HDAC9: variants seen among roughly 807,000 people sequenced by gnomAD.
The protein encoded by HDAC9 is MEF-2 interacting transcription repressor (MITR) protein.
In HDAC9, 41 loss-of-function variants were observed where a neutral mutation model predicts 139.4. The ratio of observed to expected loss-of-function variants is 0.29; its 90% CI spans 0.23 to 0.38. The LOEUF (loss-of-function observed/expected upper bound fraction) is 0.38, where lower values mean the gene tolerates loss of function less well. Among genes scored for constraint, HDAC9 ranks in the 10% least tolerant of loss-of-function variants. The pLI is 1.00. For missense variants in HDAC9, 1,147 were observed against 1,297.0 expected (o/e 0.88, Z 1.78); for synonymous variants, 517 against 476.2 (o/e 1.09, Z -1.12).
chr7:18,847,735 C>T (rs982888722), intron 21 of HDAC9, among the ~76,000 whole-genome samples: 2 of 152,208 alleles, frequency 1.3e-5, no homozygotes, highest in African/African-American at 4.8e-5. Context: ...TTCCATCCTC[C>T]CCATTCTGGC....
chr7:18,727,634 G>C lies in HDAC9; in HGVS notation c.1786G>C (p.Ala596Pro). 1 of 1,587,038 alleles carries C rather than the reference G, an allele frequency of 6.3e-7. No homozygotes were observed. The highest frequency in any genetic ancestry group is 1.4e-5 in the African/African-American group (1 of 73,136). The change falls in exon 13 of 26, where the codon GCT becomes CCT. Residue 596 changes from alanine (A) to proline (P), a missense_variant. By Grantham distance (27) the Ala-to-Pro change is conservative. Around this residue, in one of 7 missense-constraint regions of HDAC9, gnomAD observed 256 missense variants for 219.2 expected, o/e 1.17. Coordinates refer to ENST00000686413, the MANE Select transcript of HDAC9 (RefSeq NM_178425.4). ...GCTCTCTGTGCGCCAAGCTCCGCTG[G>C]CTGCGGTTGGCATGGATGGATTAGA... ...RALSVRQAPL[A>P]AVGMDGLEKH... is the part of the protein sequence containing the mutation.
chr7:18,719,954 G>A (rs1584910613), intron 12 of HDAC9, among the ~76,000 whole-genome samples: 1 of 152,280 alleles, frequency 6.6e-6, no homozygotes, highest in East Asian at 1.9e-4. Flanking sequence ...TTCATCGTAA[G>A]TGTAAGAGTT....
At chr7:18,090,653 C>T (rs1029221054) in intron 1 of HDAC9, among the ~76,000 whole-genome samples, 10 of 152,066 alleles carry the variant, frequency 6.6e-5, no homozygotes, top group African/African-American at 2.4e-4. Context: ...AGAGTATTGA[C>T]GGGGGACAGT....
intron 1 of HDAC9, among the ~76,000 whole-genome samples, chr7:18,353,463 G>T (rs1401029091): frequency 6.6e-6 from 1 of 152,100 alleles, no homozygotes; most frequent in Non-Finnish European, 1.5e-5. Context: ...AAGAATTAAA[G>T]AATGTTAAGT....
chr7:18,675,164 T>C (rs539604721), intron 12 of HDAC9, among the ~76,000 whole-genome samples: 1 of 152,156 alleles, frequency 6.6e-6, no homozygotes, highest in African/African-American at 2.4e-5. Flanking sequence ...ACTTACTAAA[T>C]GTGGAAATTG....
chr7:18,735,201 A>T (rs1786770643), intron 13 of HDAC9, among the ~76,000 whole-genome samples: 1 of 152,150 alleles, frequency 6.6e-6, no homozygotes, highest in South Asian at 2.1e-4. Flanking sequence ...GTTCACTCTG[A>T]TGGTAGTTCC....
intron 1 of HDAC9, among the ~76,000 whole-genome samples, chr7:18,122,022 A>G (rs1399654852): frequency 6.6e-6 from 1 of 152,208 alleles, no homozygotes; most frequent in African/African-American, 2.4e-5. Context: ...TATTTCTTCA[A>G]CATGCCAGTT....
At chr7:18,283,687 A>C (rs1797251634) in intron 2 of HDAC9, among the ~76,000 whole-genome samples, 1 of 152,192 alleles carries the variant, frequency 6.6e-6, no homozygotes, top group African/African-American at 2.4e-5. Context: ...ACAGATTTTA[A>C]AAGAAAGATA....
At position 18,348,836 on chromosome 7, in the gene HDAC9, A is replaced by G. The variant is rs1001095463; in HGVS notation, c.-42+58321A>G. The stretch of plus-strand genomic sequence containing the variant: ...GTTAAGCACTTACTGTAATCCAGGC[A>G]CAGTCCTGGATGCTGCTTGTATTAT... On this transcript the variant is annotated intron_variant, in intron 1 of 3. Transcript: ENST00000413509. 2.0e-5 allele frequency among the ~76,000 whole-genome samples: 3 copies of G among 152,162 alleles called. No homozygotes were observed. In the East Asian group the frequency reaches 5.8e-4, roughly 29 times the overall value.
chr7:18,699,415 G>A (rs1014709689), intron 12 of HDAC9, among the ~76,000 whole-genome samples: 26 of 151,752 alleles, frequency 1.7e-4, no homozygotes, highest in African/African-American at 6.0e-4. Context: ...CGTGTGTGTC[G>A]AAATAATGTA....
intron 16 of HDAC9, among the ~76,000 whole-genome samples, chr7:18,776,533 C>G (rs1409437657): frequency 6.6e-6 from 1 of 152,002 alleles, no homozygotes; most frequent in Non-Finnish European, 1.5e-5. Flanking sequence ...CCTACTGGAA[C>G]TTATATTCCA....
chr7:18,142,844 C>G (rs1222471288), intron 1 of HDAC9, among the ~76,000 whole-genome samples: 1 of 152,186 alleles, frequency 6.6e-6, no homozygotes, highest in Non-Finnish European at 1.5e-5. Flanking sequence ...TCCTCCTCTC[C>G]CTGCTCCCAA....
At chr7:18,409,909 A>G (rs1025514750) in intron 1 of HDAC9, among the ~76,000 whole-genome samples, 4 of 152,262 alleles carry the variant, frequency 2.6e-5, no homozygotes, top group South Asian at 2.1e-4. Context: ...TTGTTTTAGC[A>G]TAGAGAAATA....
intron 19 of HDAC9, among the ~76,000 whole-genome samples, chr7:18,833,282 AC>A (rs973685003): frequency 6.6e-6 from 1 of 152,226 alleles, no homozygotes; most frequent in African/African-American, 2.4e-5. Context: ...TTTTTCAAGA[AC>A]AAATAATTTT....
At chr7:18,906,265 C>T (rs1403735310) in intron 22 of HDAC9, among the ~76,000 whole-genome samples, 1 of 152,016 alleles carries the variant, frequency 6.6e-6, no homozygotes, top group African/African-American at 2.4e-5. Flanking sequence ...CTGCCTTAGC[C>T]TCCCAAGTAG....
At chr7:18,871,636 T>C (rs1008532480) in intron 21 of HDAC9, among the ~76,000 whole-genome samples, 2 of 152,206 alleles carry the variant, frequency 1.3e-5, no homozygotes, top group Non-Finnish European at 2.9e-5. Flanking sequence ...TCAGATAAAA[T>C]TTTAAATCAG....
At chr7:18,201,340 G>T (rs1025140882) in intron 2 of HDAC9, among the ~76,000 whole-genome samples, 2 of 152,162 alleles carry the variant, frequency 1.3e-5, no homozygotes, top group South Asian at 2.1e-4. Flanking sequence ...TTTGTGTTCT[G>T]AGTCACTAAG....
chr7:18,864,225 G>A (rs1798319503), intron 21 of HDAC9, among the ~76,000 whole-genome samples: 1 of 152,186 alleles, frequency 6.6e-6, no homozygotes, highest in African/African-American at 2.4e-5. Context: ...CCTGCCATAT[G>A]TAACAACATG....
At chr7:18,305,619 A>G (rs559236681) in intron 1 of HDAC9, among the ~76,000 whole-genome samples, 53 of 151,940 alleles carry the variant, frequency 3.5e-4, no homozygotes, top group Non-Finnish European at 6.8e-4. Context: ...TAAGTCAACC[A>G]GAGAAGTAGT....
Sources: gnomAD v4.1 joint callset for allele counts (sites outside exome capture counted in the v4.1 genomes callset) on GRCh38, gnomAD v4.1.1 for gene constraint, gnomAD v4.1.1 regional missense constraint, MANE v1.5 for transcripts, NCBI Gene and HGNC (gene_info 2026-07-23, HGNC 2026-07-21) for gene names.